TPTE: variants seen among roughly 807,000 people sequenced by gnomAD.
The protein encoded by TPTE is transmembrane phosphatase with tensin homology.
A neutral mutation model predicts 84.1 loss-of-function variants in TPTE; 59 were observed. That is an observed-to-expected ratio of 0.70 (90% CI 0.57 to 0.87). TPTE has a LOEUF of 0.87. Among genes scored for constraint, TPTE ranks in the 40% least tolerant of loss-of-function variants. The probability of loss-of-function intolerance (pLI) is 0.00; values close to 1 mark genes in which losing one functional copy is unlikely to be tolerated. For missense variants in TPTE, 382 were observed against 659.6 expected (o/e 0.58, Z 4.61); for synonymous variants, 130 against 223.5 (o/e 0.58, Z 3.73).
intron 9 of TPTE, among the ~76,000 whole-genome samples, chr21:10,559,907 A>G (rs1191087784): frequency 6.6e-6 from 1 of 152,030 alleles, no homozygotes; most frequent in Non-Finnish European, 1.5e-5. Context: ...AAGAAAATAT[A>G]TGAGTCTCAT....
intron 17 of TPTE, among the ~76,000 whole-genome samples, chr21:10,584,491 C>T (rs1409169413): frequency 1.3e-5 from 2 of 152,298 alleles, no homozygotes; most frequent in Non-Finnish European, 2.9e-5. Flanking sequence ...GCAGGTGCCA[C>T]CATGCCTAGC....
Position 10,561,078 on chromosome 21 carries a change from C to T in TPTE, c.333C>T (p.Ala111=), listed in dbSNP as rs111823585. Residue 111 remains alanine (A), a synonymous_variant, in exon 10 of 24, where the codon GCC becomes GCT. Transcript: ENST00000618007. ...TACTGGATGTCACTCTCATCCTTGC[C>T]GACCTAATTTTCACTGACAGCAAAC... ...LVLLDVTLIL[A]DLIFTDSKLY... is the part of the protein sequence containing the mutation. 1,199 of 1,610,972 alleles carry T rather than the reference C, an allele frequency of 7.4e-4. No homozygotes were observed. In the African/African-American group the frequency reaches 0.013, roughly 18 times the overall value.
intron 20 of TPTE, among the ~76,000 whole-genome samples, chr21:10,597,813 A>T (rs1477206037): frequency 6.6e-6 from 1 of 151,448 alleles, no homozygotes. Context: ...CTCTCATCTT[A>T]TAAAATCTGC....
chr21:10,547,966 C>G (rs1411665545), intron 7 of TPTE, among the ~76,000 whole-genome samples: 1 of 152,308 alleles, frequency 6.6e-6, no homozygotes, highest in Non-Finnish European at 1.5e-5. Context: ...CACAGGTCAA[C>G]AGAGTGACTA....
chr21:10,573,639 A>G (rs887342069), intron 14 of TPTE, among the ~76,000 whole-genome samples: 1 of 152,310 alleles, frequency 6.6e-6, no homozygotes, highest in African/African-American at 2.4e-5. Context: ...TGATTTGATC[A>G]TTACACATTG....
chr21:10,565,119 C>T (rs2074894734), intron 10 of TPTE, among the ~76,000 whole-genome samples: 1 of 152,296 alleles, frequency 6.6e-6, no homozygotes, highest in African/African-American at 2.4e-5. Flanking sequence ...CTAAAGACTC[C>T]ACCAAAAAAA....
chr21:10,562,862 A>C (rs2074836796), intron 10 of TPTE, among the ~76,000 whole-genome samples: 2 of 152,310 alleles, frequency 1.3e-5, no homozygotes, highest in Admixed American at 1.3e-4. Flanking sequence ...GTAACAGAAC[A>C]TCCCAAACCT....
chr21:10,561,972 C>CA, intron 10 of TPTE, among the ~76,000 whole-genome samples: 1 of 152,428 alleles, frequency 6.6e-6, no homozygotes, highest in Non-Finnish European at 1.5e-5. Flanking sequence ...CCAATGCAGT[C>CA]ACAGTAGTGG....
In TPTE at chr21:10,547,053, T is replaced by C. The variant is rs2074481566; in HGVS notation, c.173+3671T>C. 2.6e-5 allele frequency among the ~76,000 whole-genome samples: 4 copies of C among 152,424 alleles called. No homozygotes were observed. In the South Asian group the frequency reaches 8.3e-4, roughly 32 times the overall value. On this transcript the variant is annotated intron_variant, in intron 7 of 23. Coordinates refer to ENST00000618007, the MANE Select transcript of TPTE (RefSeq NM_199261.4). ...TTAGAGAGGAGAAGTCAACGCATGG[T>C]TTCAAATCTTCAAAGCACAGGCCAA...
rs868746628 is a variant in TPTE at position 10,571,875 on chromosome 21, C to G, written c.795+1326C>G. Among the ~76,000 whole-genome samples, 5 of 152,366 alleles carry G rather than the reference C, an allele frequency of 3.3e-5. No individual in the cohort carries two copies. In the South Asian group the frequency reaches 6.2e-4, roughly 19 times the overall value. On this transcript the variant is annotated intron_variant, in intron 14 of 23. Coordinates refer to ENST00000618007, the MANE Select transcript of TPTE (RefSeq NM_199261.4). ...CAAAAATTAGTTGGGTTTGGTGGTG[C>G]ATGCCTGCCATCCAAGCTACTTGGG... is the stretch of plus-strand genomic sequence containing the variant.
chr21:10,542,454 C>T lies in TPTE; in HGVS notation c.119+6C>T, dbSNP rs469719. The T allele has an allele frequency of 0.097, 135,123 of 1,397,378 alleles. 197 individuals are homozygous for T. Among genetic ancestry groups the T allele is most frequent in the African/African-American group, 0.47 (31,079 of 66,260 alleles). The allele number at this position is 1,397,378 out of a possible 1,614,324, so 86.6% of individuals were successfully genotyped here. A position where few individuals can be genotyped will look rare whatever the true frequency, so the allele number is the denominator to read the frequency against. ...GAGGCACCTGCGAAAGAAAGGTGAG[C>T]AATAAATAGTTAAAGTCACCCGTCA... On this transcript the variant is annotated splice_donor_region_variant and intron_variant, in intron 6 of 23. Coordinates refer to ENST00000618007, the MANE Select transcript of TPTE (RefSeq NM_199261.4).
chr21:10,557,617 T>A (rs1176825204), intron 8 of TPTE, among the ~76,000 whole-genome samples: 1 of 152,306 alleles, frequency 6.6e-6, no homozygotes, highest in African/African-American at 2.4e-5. Flanking sequence ...TCCATCTACA[T>A]CAGCCTTAAC....
At chr21:10,592,832 G>C (rs1293531290) in intron 19 of TPTE, among the ~76,000 whole-genome samples, 1 of 152,266 alleles carries the variant, frequency 6.6e-6, no homozygotes, top group East Asian at 1.9e-4. Flanking sequence ...GTGTGTGTGT[G>C]TCTTTTCTGT....
intron 21 of TPTE, among the ~76,000 whole-genome samples, chr21:10,601,602 C>G (rs571473676): frequency 4.8e-4 from 73 of 152,026 alleles, no homozygotes; most frequent in African/African-American, 1.6e-3. Flanking sequence ...TGCCTGTAAT[C>G]CAGTACTTTG....
chr21:10,552,372 C>T (rs1174409841), intron 7 of TPTE, among the ~76,000 whole-genome samples: 1 of 152,384 alleles, frequency 6.6e-6, no homozygotes, highest in Non-Finnish European at 1.5e-5. Flanking sequence ...TATCCATATA[C>T]ATATTCTTTT....
At chr21:10,538,802 AG>A (rs2074314667) in intron 4 of TPTE, 68 bp downstream of exon 4, 1 of 1,613,746 alleles carries the variant, frequency 6.2e-7, no homozygotes, top group African/African-American at 1.3e-5. Context: ...TCACAGACAC[AG>A]GCACATAAAC....
At chr21:10,585,242 A>C (rs1270551189) in intron 17 of TPTE, among the ~76,000 whole-genome samples, 1 of 6,806 alleles carries the variant, frequency 1.5e-4, no homozygotes. Context: ...AAAATGAAAC[A>C]AAAAAAAAAA....
At chr21:10,547,719 C>T (rs867322920) in intron 7 of TPTE, among the ~76,000 whole-genome samples, 526 of 152,168 alleles carry the variant, frequency 3.5e-3, no homozygotes, top group African/African-American at 8.1e-3. Flanking sequence ...ATCTTCAGTA[C>T]ACCAAGCCCA....
rs145711372 is a variant in TPTE, at chr21:10,566,483, G to C, written c.447-1187G>C. Among the ~76,000 whole-genome samples the C allele has an allele frequency of 1.4e-4, 22 of 152,426 alleles. No homozygotes were observed. In the East Asian group the frequency reaches 4.0e-3, roughly 28 times the overall value. On this transcript the variant is annotated intron_variant, in intron 10 of 23. Coordinates refer to ENST00000618007, the MANE Select transcript of TPTE (RefSeq NM_199261.4). ...AAAACTAAAAATAGAACTACCATAT[G>C]ATCCAGCAATCCCACTGCTGGGTAG...
Sources: allele counts gnomAD v4.1 joint callset (sites outside exome capture counted in the v4.1 genomes callset), GRCh38; gene constraint gnomAD v4.1.1; transcripts MANE v1.5; gene names NCBI Gene and HGNC (gene_info 2026-07-23, HGNC 2026-07-21).